CSNK1G1: variants seen among roughly 807,000 people sequenced by gnomAD.
The protein encoded by CSNK1G1 is casein kinase I isoform gamma-1.
A neutral mutation model predicts 59.6 loss-of-function variants in CSNK1G1; 22 were observed. The observed-to-expected ratio is 0.37, with a 90% CI of 0.26 to 0.53. The LOEUF is 0.53. CSNK1G1 is among the 20% of genes least tolerant of loss of function. CSNK1G1 has a pLI of 0.89. For missense variants in CSNK1G1, 384 were observed against 519.5 expected (o/e 0.74, Z 2.54); for synonymous variants, 179 against 177.1 (o/e 1.01, Z -0.08).
At chr15:64,211,430 G>T (rs1190528238) in intron 6 of CSNK1G1, among the ~76,000 whole-genome samples, 2 of 152,176 alleles carry the variant, frequency 1.3e-5, no homozygotes, top group Admixed American at 6.5e-5. Context: ...CACAAAATAT[G>T]ATGACAGGTT....
chr15:64,285,941 A>G, intron 2 of CSNK1G1, among the ~76,000 whole-genome samples: 1 of 152,080 alleles, frequency 6.6e-6, no homozygotes, highest in Non-Finnish European at 1.5e-5. Context: ...ATCATGATCA[A>G]GAACAGGCTT....
intron 1 of CSNK1G1, among the ~76,000 whole-genome samples, chr15:64,309,899 G>C (rs917822863): frequency 6.6e-6 from 1 of 151,930 alleles, no homozygotes; most frequent in Non-Finnish European, 1.5e-5. Context: ...CGCTTGAGCC[G>C]AAGAATTCAA....
At chr15:64,236,644 T>C (rs2082620384) in intron 4 of CSNK1G1, among the ~76,000 whole-genome samples, 1 of 152,148 alleles carries the variant, frequency 6.6e-6, no homozygotes, top group South Asian at 2.1e-4. Flanking sequence ...AAATAACAGA[T>C]GTTAGCAAGG....
At chr15:64,346,663 G>C (rs1243708143) in intron 1 of CSNK1G1, among the ~76,000 whole-genome samples, 1 of 151,848 alleles carries the variant, frequency 6.6e-6, no homozygotes, top group Non-Finnish European at 1.5e-5. Flanking sequence ...TCACCACATT[G>C]GCCATGCTGG....
chr15:64,300,674 C>A lies in CSNK1G1; in HGVS notation c.-175G>T. On this transcript the variant is annotated 5_prime_UTR_variant, in exon 2 of 12. Coordinates refer to ENST00000303052, the MANE Select transcript of CSNK1G1 (RefSeq NM_022048.5). ...AGATGAAAAACCATTTATTTGTTCCCGTAGGAAATGTAGTCACTAGGTCTC... is the reference window on the plus strand; with the variant it reads ...AGATGAAAAACCATTTATTTGTTCCAGTAGGAAATGTAGTCACTAGGTCTC... 7.8e-7 allele frequency: 1 copy of A among 1,279,180 alleles called. No homozygotes were observed. Among genetic ancestry groups the A allele is most frequent in the Non-Finnish European group, 9.9e-7 (1 of 1,012,046 alleles). 79.2% of individuals were successfully genotyped at this position (1,279,180 alleles called of 1,614,324 possible).
At chr15:64,324,691 C>G (rs1234198263) in intron 1 of CSNK1G1, among the ~76,000 whole-genome samples, 1 of 152,188 alleles carries the variant, frequency 6.6e-6, no homozygotes, top group Admixed American at 6.6e-5. Flanking sequence ...TGAGTCAATT[C>G]GGCTTAATGA....
intron 6 of CSNK1G1, 123 bp from the exon 7 acceptor site, chr15:64,207,717 A>G (rs2082200776): frequency 1.5e-6 from 1 of 676,564 alleles, no homozygotes; most frequent in South Asian, 1.7e-5. Context: ...AATTACTTGT[A>G]TATTTAAACC....
intron 10 of CSNK1G1, among the ~76,000 whole-genome samples, chr15:64,196,578 A>G (rs2082041539): frequency 6.6e-6 from 1 of 152,048 alleles, no homozygotes; most frequent in Non-Finnish European, 1.5e-5. Flanking sequence ...TAGCCTCCCA[A>G]GTAGCTGGGA....
At chr15:64,273,597 G>C (rs1234364656) in intron 2 of CSNK1G1, among the ~76,000 whole-genome samples, 1 of 152,134 alleles carries the variant, frequency 6.6e-6, no homozygotes, top group Non-Finnish European at 1.5e-5. Context: ...TGGATTACAT[G>C]TAATGTGAGG....
chr15:64,300,190 A>G, intron 2 of CSNK1G1, 129 bp downstream of exon 2: 1 of 823,066 alleles, frequency 1.2e-6, no homozygotes, highest in Non-Finnish European at 2.0e-6. Context: ...TTCACAAATT[A>G]TTTCTTAACA....
At chr15:64,228,317 T>G (rs539270406) in intron 4 of CSNK1G1, among the ~76,000 whole-genome samples, 54 of 152,124 alleles carry the variant, frequency 3.5e-4, no homozygotes, top group Non-Finnish European at 5.7e-4. Flanking sequence ...CAACCAAACA[T>G]AACAGCAAAC....
At chr15:64,280,009 CCATAAACAAAATG>C (rs1358877198) in intron 2 of CSNK1G1, among the ~76,000 whole-genome samples, 2 of 151,142 alleles carry the variant, frequency 1.3e-5, no homozygotes, top group East Asian at 1.9e-4. Context: ...AATAAAATAT[CCATAAACAAAATG>C]CATAAACAAA....
intron 4 of CSNK1G1, among the ~76,000 whole-genome samples, chr15:64,248,524 G>T (rs1891881421): frequency 6.6e-6 from 1 of 152,276 alleles, no homozygotes; most frequent in South Asian, 2.1e-4. Flanking sequence ...AAGACACAAG[G>T]CTTGTTTTCA....
At position 64,203,611 on chromosome 15, in the gene CSNK1G1, C is replaced by T. The variant is rs565226282; in HGVS notation, c.1000-422G>A. ...ACTCGGGATGCTGAGGCAGGAGAAT[C>T]GCTTGAACCTGGGAGGCGGAGGTTG... On this transcript the variant is annotated intron_variant, in intron 9 of 11. Coordinates refer to ENST00000303052, the MANE Select transcript of CSNK1G1 (RefSeq NM_022048.5). Among the ~76,000 whole-genome samples the T allele has an allele frequency of 2.7e-5, 4 of 147,934 alleles. No individual in the cohort carries two copies. In the Admixed American group the frequency reaches 2.7e-4, roughly 10 times the overall value.
intron 2 of CSNK1G1, among the ~76,000 whole-genome samples, chr15:64,282,007 A>G (rs1165411375): frequency 6.6e-6 from 1 of 151,520 alleles, no homozygotes; most frequent in African/African-American, 2.4e-5. Context: ...GCGCAGCCTC[A>G]ACCTCCTGAG....
intron 4 of CSNK1G1, among the ~76,000 whole-genome samples, chr15:64,245,485 C>T (rs1891703421): frequency 6.6e-6 from 1 of 152,072 alleles, no homozygotes. Context: ...ATCAGTTTAT[C>T]AAAAACATGT....
intron 10 of CSNK1G1, among the ~76,000 whole-genome samples, chr15:64,198,261 C>T (rs2082062159): frequency 7.1e-6 from 1 of 141,720 alleles, no homozygotes; most frequent in South Asian, 2.2e-4. Context: ...GTGGCACAGT[C>T]TCATGTGCAC....
chr15:64,287,839 G>A (rs1185651307), intron 2 of CSNK1G1, among the ~76,000 whole-genome samples: 1 of 152,078 alleles, frequency 6.6e-6, no homozygotes, highest in South Asian at 2.1e-4. Flanking sequence ...TAGACATCTA[G>A]TTTAACATGG....
At chr15:64,301,800 T>C (rs1477947274) in intron 1 of CSNK1G1, among the ~76,000 whole-genome samples, 3 of 151,848 alleles carry the variant, frequency 2.0e-5, no homozygotes, top group Non-Finnish European at 4.4e-5. Flanking sequence ...GGCAGGAGAA[T>C]AGCTTGAACC....
Sources: allele counts gnomAD v4.1 joint callset (sites outside exome capture counted in the v4.1 genomes callset), GRCh38; gene constraint gnomAD v4.1.1; transcripts MANE v1.5; gene names NCBI Gene and HGNC (gene_info 2026-07-23, HGNC 2026-07-21).